DYRK1A: variants seen among roughly 807,000 people sequenced by gnomAD.
DYRK1A encodes the protein dual specificity tyrosine-phosphorylation-regulated kinase 1A.
DYRK1A carries 9 observed loss-of-function variants against 79.7 expected under a neutral mutation model. The ratio of observed to expected loss-of-function variants is 0.11; its 90% confidence interval spans 0.07 to 0.20. DYRK1A has a LOEUF of 0.20. Among genes scored for constraint, DYRK1A ranks in the 10% least tolerant of loss-of-function variants. DYRK1A has a pLI of 1.00. For synonymous variants in DYRK1A, 349 were observed against 329.7 expected, an observed-to-expected ratio of 1.06 and a Z score of -0.63; for missense variants, 622 against 956.0, an observed-to-expected ratio of 0.65 and a Z score of 4.61.
chr21:37,388,651 T>TC (rs1360983865), intron 1 of DYRK1A, among the ~76,000 whole-genome samples: 1 of 149,370 alleles, frequency 6.7e-6, no homozygotes, highest in Non-Finnish European at 1.5e-5. Flanking sequence ...TTCTTTTTTC[T>TC]CCATTTTTTT....
intron 6 of DYRK1A, chr21:37,488,335 G>A: frequency 4.2e-6 from 4 of 962,952 alleles, no homozygotes; most frequent in Non-Finnish European, 4.9e-6. Flanking sequence ...CAATTGAATT[G>A]ATACCTTAAA....
intron 1 of DYRK1A, among the ~76,000 whole-genome samples, chr21:37,408,163 T>C (rs2050182277): frequency 6.6e-6 from 1 of 152,252 alleles, no homozygotes; most frequent in African/African-American, 2.4e-5. Flanking sequence ...TGCTCAGTCA[T>C]GGTATGTTTG....
chr21:37,475,063 G>A (rs963579928), intron 3 of DYRK1A, among the ~76,000 whole-genome samples: 1 of 152,046 alleles, frequency 6.6e-6, no homozygotes, highest in Non-Finnish European at 1.5e-5. Flanking sequence ...ATCTTTTCAG[G>A]ACAAAAGTTA....
chr21:37,416,285 A>G (rs1199383491), intron 1 of DYRK1A, among the ~76,000 whole-genome samples: 1 of 120,946 alleles, frequency 8.3e-6, no homozygotes, highest in African/African-American at 3.0e-5. Context: ...TTGGTGCAAT[A>G]TTATATTCTT....
At chr21:37,368,414 C>T (rs1238003503) in intron 1 of DYRK1A, among the ~76,000 whole-genome samples, 1 of 152,204 alleles carries the variant, frequency 6.6e-6, no homozygotes, top group South Asian at 2.1e-4. Context: ...AAAGGCTCCT[C>T]CCTAATCTGA....
chr21:37,419,014 TAAGGA>T (rs2050412365), intron 1 of DYRK1A: 1 of 152,176 alleles, frequency 6.6e-6, no homozygotes, highest in Non-Finnish European at 1.5e-5. Context: ...TTCAAAAGTA[TAAGGA>T]GAAATAAATG....
At position 37,512,001 on chromosome 21, in the gene DYRK1A, A is replaced by G. The variant is rs149948846; in HGVS notation, c.1735A>G (p.Thr579Ala). The G allele has an allele frequency of 6.2e-7, 1 of 1,614,102 alleles. No homozygotes were observed. Among genetic ancestry groups the G allele is most frequent in the Non-Finnish European group, 8.5e-7 (1 of 1,180,010 alleles). ...TGAAACTCATCCTGTTCAAGAAACAACCTTTCATGTAGCCCCTCAACAGAA... is the reference window on the plus strand; with the variant it reads ...TGAAACTCATCCTGTTCAAGAAACAGCCTTTCATGTAGCCCCTCAACAGAA... The part of the protein sequence containing the change: ...TVETHPVQET[T>A]FHVAPQQNAL... The change falls in exon 12 of 12, where the codon ACC becomes GCC. Residue 579 changes from threonine to alanine, a missense_variant. By Grantham distance (58) the Thr-to-Ala change is moderately conservative (BLOSUM62 0). Around this residue, in one of 5 missense-constraint regions of DYRK1A, gnomAD observed 292 missense variants for 316.7 expected, o/e 0.92. Coordinates refer to ENST00000647188, the MANE Select transcript of DYRK1A (RefSeq NM_001347721.2).
intron 2 of DYRK1A, among the ~76,000 whole-genome samples, chr21:37,468,573 A>G (rs962646051): frequency 1.3e-5 from 2 of 152,176 alleles, no homozygotes; most frequent in Non-Finnish European, 2.9e-5. Context: ...GCATAAAGGG[A>G]AATGTGATTT....
At chr21:37,430,456 AG>A in intron 2 of DYRK1A, 1 of 972,902 alleles carries the variant, frequency 1.0e-6, no homozygotes, top group Non-Finnish European at 1.2e-6. Flanking sequence ...AACTTGCACT[AG>A]GATAGTTTTT....
rs150441161 is a variant in DYRK1A at position 37,518,252 on chromosome 21, C to G, written c.*5721C>G. On this transcript the variant is annotated 3_prime_UTR_variant, in exon 12 of 12. Coordinates refer to ENST00000647188, the MANE Select transcript of DYRK1A (RefSeq NM_001347721.2). Reference sequence around the variant, plus strand: ...CGTTTTTATGTACATCACAGACAAGCCTTGTTCTGCTGAAGAGGTGATGCC... The same window carrying G: ...CGTTTTTATGTACATCACAGACAAGGCTTGTTCTGCTGAAGAGGTGATGCC... 165 of 152,300 alleles carry G rather than the reference C, an allele frequency of 1.1e-3. No homozygotes were observed. Among genetic ancestry groups the G allele is most frequent in the African/African-American group, 3.8e-3 (159 of 41,538 alleles). The allele number at this position is 152,300 out of a possible 1,614,324, so 9.4% of individuals were successfully genotyped here.
At chr21:37,453,603 A>T (rs892780041) in intron 2 of DYRK1A, among the ~76,000 whole-genome samples, 6 of 152,216 alleles carry the variant, frequency 3.9e-5, no homozygotes, top group African/African-American at 1.2e-4. Context: ...GGTAGATGGG[A>T]GGAGAGATGC....
intron 1 of DYRK1A, among the ~76,000 whole-genome samples, chr21:37,404,566 A>C (rs1443834558): frequency 1.3e-5 from 2 of 152,066 alleles, no homozygotes; most frequent in East Asian, 3.9e-4. Context: ...AGCTTTACCA[A>C]GCTTTACCTT....
chr21:37,510,238 G>GC (rs1601330211), intron 11 of DYRK1A, among the ~76,000 whole-genome samples: 1 of 152,132 alleles, frequency 6.6e-6, no homozygotes, highest in South Asian at 2.1e-4. Flanking sequence ...TTGCCAGATT[G>GC]CCCCCCATGT....
At chr21:37,442,044 G>A (rs1251710589) in intron 2 of DYRK1A, among the ~76,000 whole-genome samples, 6 of 147,786 alleles carry the variant, frequency 4.1e-5, no homozygotes, top group Admixed American at 2.0e-4. Context: ...TAAAAATGTT[G>A]CTGCACCATC....
chr21:37,519,758 T>TTTTTTTTTTTTTTTTTTTTTTG lies in DYRK1A; in HGVS notation c.*7228_*7229insTTTTTTTTTTTTTTTTTTTTGT, dbSNP rs2053919945. ...GAAGTTTTTTTTTTTTTTTTTTTTT[T>TTTTTTTTTTTTTTTTTTTTTTG]TGAGGCGGAGTCTCGCTCTGTCGCC... On this transcript the variant is annotated 3_prime_UTR_variant, in exon 12 of 12. Transcript: ENST00000647188. 1 of 63,276 alleles carries TTTTTTTTTTTTTTTTTTTTTTG rather than the reference T, an allele frequency of 1.6e-5. No individual in the cohort carries two copies. Among genetic ancestry groups the TTTTTTTTTTTTTTTTTTTTTTG allele is most frequent in the African/African-American group, 6.2e-5 (1 of 16,152 alleles). 3.9% of individuals were successfully genotyped at this position (63,276 alleles called of 1,614,324 possible). A position where few individuals can be genotyped will look rare whatever the true frequency, so the allele number is the denominator to read the frequency against.
At chr21:37,470,002 A>G (rs773375830) in intron 2 of DYRK1A, among the ~76,000 whole-genome samples, 13 of 152,114 alleles carry the variant, frequency 8.5e-5, no homozygotes, top group Admixed American at 6.5e-5. Flanking sequence ...AAAATTAGCC[A>G]GCGTGGTGGT....
At chr21:37,482,408 C>T (rs2052680963) in intron 5 of DYRK1A, among the ~76,000 whole-genome samples, 1 of 152,084 alleles carries the variant, frequency 6.6e-6, no homozygotes, top group South Asian at 2.1e-4. Context: ...CTCTGATGCC[C>T]CACAAGCCGC....
At chr21:37,404,847 T>C (rs553856974) in intron 1 of DYRK1A, among the ~76,000 whole-genome samples, 127 of 152,364 alleles carry the variant, frequency 8.3e-4, no homozygotes, top group Non-Finnish European at 1.4e-3. Context: ...ACAGGTTCTT[T>C]GCAGGTGCTT....
chr21:37,432,680 C>T (rs540475507), intron 2 of DYRK1A, among the ~76,000 whole-genome samples: 10 of 152,184 alleles, frequency 6.6e-5, no homozygotes, highest in Admixed American at 5.2e-4. Context: ...TAATACATTA[C>T]TGGGCATAAT....
Sources: gnomAD v4.1 joint callset for allele counts (sites outside exome capture counted in the v4.1 genomes callset) on GRCh38, gnomAD v4.1.1 for gene constraint, gnomAD v4.1.1 regional missense constraint, MANE v1.5 for transcripts, NCBI Gene and HGNC (gene_info 2026-07-23, HGNC 2026-07-21) for gene names.